Variants in OLA1 observed in about 807,000 individuals in gnomAD.
The protein encoded by OLA1 is obg-like ATPase 1.
Under a neutral mutation model 48.4 loss-of-function variants are expected in OLA1, and 14 were observed. That is an observed-to-expected ratio of 0.29 (90% CI 0.19 to 0.45). The LOEUF is 0.45. Ranked by LOEUF, OLA1 falls within the 20% of genes least tolerant of loss-of-function variation. The pLI is 1.00. For missense variants in OLA1, 325 were observed against 467.1 expected (o/e 0.70, Z 2.80); for synonymous variants, 127 against 150.4 (o/e 0.84, Z 1.14).
chr2:174,125,042 A>G (rs990874223), intron 5 of OLA1, among the ~76,000 whole-genome samples: 15 of 152,220 alleles, frequency 9.9e-5, no homozygotes, highest in African/African-American at 3.4e-4. Flanking sequence ...TAAATGTTTA[A>G]AAGTGGCTAA....
chr2:174,102,121 G>A (rs1180473125), intron 7 of OLA1, among the ~76,000 whole-genome samples: 1 of 152,072 alleles, frequency 6.6e-6, no homozygotes, highest in Non-Finnish European at 1.5e-5. Context: ...TTAGCAGAGA[G>A]CAATCCTTCT....
chr2:174,186,431 T>C (rs1165418483), intron 4 of OLA1, among the ~76,000 whole-genome samples: 4 of 152,208 alleles, frequency 2.6e-5, no homozygotes, highest in Non-Finnish European at 4.4e-5. Context: ...ACCTGACTTC[T>C]GTGACAGCTC....
intron 7 of OLA1, among the ~76,000 whole-genome samples, chr2:174,095,336 TTTTTTTTTTTTTTGTTG>T (rs1351501531): frequency 2.4e-5 from 3 of 123,418 alleles, no homozygotes; most frequent in African/African-American, 8.7e-5. Context: ...TTTTTTTTTT[TTTTTTTTTTTTTTGTTG>T]TTGTTGTTGT....
chr2:174,177,006 C>T (rs138164324), intron 4 of OLA1, among the ~76,000 whole-genome samples: 1 of 152,146 alleles, frequency 6.6e-6, no homozygotes, highest in African/African-American at 2.4e-5. Flanking sequence ...CTTTTTAGAT[C>T]GTTAACTACC....
chr2:174,126,397 T>C (rs2105369799), intron 5 of OLA1, among the ~76,000 whole-genome samples: 1 of 152,274 alleles, frequency 6.6e-6, no homozygotes, highest in Non-Finnish European at 1.5e-5. Flanking sequence ...TTCTTTACTA[T>C]CATTATATAG....
intron 4 of OLA1, among the ~76,000 whole-genome samples, chr2:174,181,518 T>C (rs1021253684): frequency 6.6e-6 from 1 of 152,158 alleles, no homozygotes; most frequent in Non-Finnish European, 1.5e-5. Flanking sequence ...AGCAGGATCA[T>C]AGTCCTATAT....
intron 4 of OLA1, among the ~76,000 whole-genome samples, chr2:174,208,451 T>C (rs1478544507): frequency 6.6e-6 from 1 of 152,168 alleles, no homozygotes; most frequent in African/African-American, 2.4e-5. Context: ...ACATACCACG[T>C]AGCAATCATC....
Position 174,191,787 on chromosome 2 carries a change from T to C in OLA1, c.373+31246A>G, listed in dbSNP as rs553978653. On this transcript the variant is annotated intron_variant, in intron 4 of 10. Transcript: ENST00000284719. ...CAAAAATTGTTTCTTGAAAAAAAAA[T>C]TACCAGTAAACTGGTGGATCACACC... 2.6e-5 allele frequency among the ~76,000 whole-genome samples: 4 copies of C among 152,126 alleles called. No individual in the cohort carries two copies. In the South Asian group the frequency reaches 8.3e-4, roughly 32 times the overall value.
chr2:174,246,023 G>C (rs12476529), intron 2 of OLA1, among the ~76,000 whole-genome samples: 28,849 of 151,886 alleles, frequency 0.19, 3,003 homozygotes, highest in Middle Eastern at 0.28. Flanking sequence ...ATTACAGCTG[G>C]GCTCAGTGGC....
intron 4 of OLA1, among the ~76,000 whole-genome samples, chr2:174,181,526 T>G (rs1445438469): frequency 2.0e-5 from 3 of 152,142 alleles, no homozygotes; most frequent in Non-Finnish European, 4.4e-5. Flanking sequence ...CATAGTCCTA[T>G]ATGACAGAGG....
intron 4 of OLA1, among the ~76,000 whole-genome samples, chr2:174,152,979 C>T (rs79915652): frequency 7.9e-5 from 12 of 152,270 alleles, no homozygotes; most frequent in Non-Finnish European, 1.6e-4. Flanking sequence ...TTCCTTCCTC[C>T]TCTCTCATTA....
Position 174,245,780 on chromosome 2 carries a change from G to A in OLA1, c.101+935C>T, listed in dbSNP as rs913428590. ...GTGGTGGCACATGCCTGTAATCCCA[G>A]CTACCCGGGAGGCAGAGGCAGGATA... On this transcript the variant is annotated intron_variant, in intron 2 of 10. Coordinates refer to ENST00000284719, the MANE Select transcript of OLA1 (RefSeq NM_013341.5). Among the ~76,000 whole-genome samples the A allele has an allele frequency of 1.9e-4, 29 of 151,790 alleles. 1 individual carries two copies. The highest frequency in any genetic ancestry group is 7.0e-4 in the African/African-American group (29 of 41,270).
At chr2:174,228,382 C>A (rs1277286773) in intron 3 of OLA1, among the ~76,000 whole-genome samples, 1 of 151,978 alleles carries the variant, frequency 6.6e-6, no homozygotes, top group Non-Finnish European at 1.5e-5. Context: ...TTAATAATAT[C>A]CCAAGTAAAA....
intron 5 of OLA1, among the ~76,000 whole-genome samples, chr2:174,133,321 GGGTTTACTGGGTTATTAGT>G (rs1179523989): frequency 6.6e-6 from 1 of 152,048 alleles, no homozygotes; most frequent in African/African-American, 2.4e-5. Context: ...GTTTTATGAT[GGGTTTACTGGGTTATTAGT>G]GCTTTTTGTT....
At position 174,103,944 on chromosome 2, in the gene OLA1, TAGG is replaced by T. The variant is rs1355534140; in HGVS notation, c.728+19233_728+19235del. 2.7e-3 allele frequency among the ~76,000 whole-genome samples: 417 copies of T among 152,112 alleles called. 1 individual carries two copies. Among genetic ancestry groups the T allele is most frequent in the Admixed American group, 4.7e-3 (71 of 15,256 alleles). ...TGTGGAAGCACAGAGTCATCCATCG[TAGG>T]GGGAAGTGGTATGGGTAAAGCAGAC... On this transcript the variant is annotated intron_variant, in intron 7 of 10. Coordinates refer to ENST00000284719, the MANE Select transcript of OLA1 (RefSeq NM_013341.5).
At chr2:174,150,759 A>T (rs1686726229) in intron 4 of OLA1, among the ~76,000 whole-genome samples, 1 of 152,252 alleles carries the variant, frequency 6.6e-6, no homozygotes, top group Non-Finnish European at 1.5e-5. Flanking sequence ...TCAAAAGTCA[A>T]AATAAAAGGA....
intron 4 of OLA1, among the ~76,000 whole-genome samples, chr2:174,204,172 C>A (rs1017453665): frequency 6.6e-6 from 1 of 151,744 alleles, no homozygotes; most frequent in Non-Finnish European, 1.5e-5. Context: ...GAGGCCGAGG[C>A]GGGCGGATCA....
At chr2:174,191,635 A>T (rs908710340) in intron 4 of OLA1, among the ~76,000 whole-genome samples, 34 of 151,956 alleles carry the variant, frequency 2.2e-4, no homozygotes, top group Non-Finnish European at 4.4e-4. Context: ...ATTATTTTTT[A>T]AAATTTGTGT....
At chr2:174,207,170 T>G (rs1688134854) in intron 4 of OLA1, among the ~76,000 whole-genome samples, 1 of 152,200 alleles carries the variant, frequency 6.6e-6, no homozygotes, top group Non-Finnish European at 1.5e-5. Context: ...TACCTTCTCA[T>G]TTAGCAGTTC....
Sources: gnomAD v4.1 joint callset for allele counts (sites outside exome capture counted in the v4.1 genomes callset) on GRCh38, gnomAD v4.1.1 for gene constraint, MANE v1.5 for transcripts, NCBI Gene and HGNC (gene_info 2026-07-23, HGNC 2026-07-21) for gene names.